The following DHX8 variants were observed in gnomAD, a reference collection of about 807,000 sequenced individuals.
DHX8 encodes the protein ATP-dependent RNA helicase DHX8.
In DHX8, 67 loss-of-function variants were observed where a neutral mutation model predicts 140.7. The ratio of observed to expected loss-of-function variants is 0.48; its 90% confidence interval spans 0.39 to 0.58. DHX8 has a LOEUF of 0.58. Ranked by LOEUF, DHX8 falls within the 20% of genes least tolerant of loss-of-function variation. The pLI is 0.00. For missense variants in DHX8, 887 were observed against 1,550.7 expected (o/e 0.57, Z 7.19); for synonymous variants, 533 against 553.2 (o/e 0.96, Z 0.51).
rs1970579115 is a variant in DHX8, at chr17:43,525,412, A to G, written c.*1565A>G. The G allele has an allele frequency of 2.0e-6, 2 of 982,566 alleles. No individual in the cohort carries two copies. Among genetic ancestry groups the G allele is most frequent in the African/African-American group, 1.7e-5 (1 of 57,166 alleles). The allele number at this position is 982,566 out of a possible 1,614,324, so 60.9% of individuals were successfully genotyped here. ...TTCAGAAAGAGTCCGAGGGAGAGGAATATAGGCCAGGCAATCTGCTGGCTG... is the reference window on the plus strand; with the variant it reads ...TTCAGAAAGAGTCCGAGGGAGAGGAGTATAGGCCAGGCAATCTGCTGGCTG... On this transcript the variant is annotated 3_prime_UTR_variant, in exon 23 of 23. Coordinates refer to ENST00000262415, the MANE Select transcript of DHX8 (RefSeq NM_004941.3).
chr17:43,524,058 A>T lies in DHX8; in HGVS notation c.*211A>T. ...AGAGCCTGCAGCCTCCATCACCCCAAGTCCTTGGGCCCAGTTGGGAGCTCA... is the reference window on the plus strand; with the variant it reads ...AGAGCCTGCAGCCTCCATCACCCCATGTCCTTGGGCCCAGTTGGGAGCTCA... On this transcript the variant is annotated 3_prime_UTR_variant, in exon 23 of 23. Coordinates refer to ENST00000262415, the MANE Select transcript of DHX8 (RefSeq NM_004941.3). 7.1e-7 allele frequency: 1 copy of T among 1,409,716 alleles called. No homozygotes were observed. Among genetic ancestry groups the T allele is most frequent in the Non-Finnish European group, 9.2e-7 (1 of 1,084,332 alleles). The allele number at this position is 1,409,716 out of a possible 1,614,324, so 87.3% of individuals were successfully genotyped here. A position where few individuals can be genotyped will look rare whatever the true frequency, so the allele number is the denominator to read the frequency against.
At chr17:43,527,336 CCAGA>C (rs1444355758), downstream of DHX8, among the ~76,000 whole-genome samples, 6 of 152,204 alleles carry the variant, frequency 3.9e-5, no homozygotes, top group African/African-American at 1.2e-4. Context: ...GCCCCATTCT[CCAGA>C]CAAACACTTG....
At chr17:43,495,326 A>C (rs761973104) in intron 8 of DHX8, among the ~76,000 whole-genome samples, 3 of 152,192 alleles carry the variant, frequency 2.0e-5, no homozygotes, top group Non-Finnish European at 4.4e-5. Context: ...TTGCCCAGGC[A>C]AGAGTGCAGT....
At chr17:43,530,322 C>A, downstream of DHX8, 1 of 1,482,242 alleles carries the variant, frequency 6.7e-7, no homozygotes, top group South Asian at 1.4e-5. Flanking sequence ...GGTTGCCTGC[C>A]AACCACAAAA....
chr17:43,526,684 T>A (rs1332923200), downstream of DHX8: 53 of 1,517,024 alleles, frequency 3.5e-5, no homozygotes, highest in Non-Finnish European at 4.5e-5. Context: ...TAACTCCCTC[T>A]CTCTTCGTGT....
chr17:43,510,621 A>G (rs2154586703), intron 16 of DHX8, among the ~76,000 whole-genome samples: 1 of 152,260 alleles, frequency 6.6e-6, no homozygotes, highest in East Asian at 1.9e-4. Context: ...TTTTCCTCAA[A>G]TATTTTTAAT....
intron 12 of DHX8, among the ~76,000 whole-genome samples, chr17:43,505,749 CAT>C (rs1351813945): frequency 2.6e-5 from 4 of 152,052 alleles, no homozygotes; most frequent in African/African-American, 9.7e-5. Flanking sequence ...ATGGGCAACT[CAT>C]AGAGTGCTTC....
intron 2 of DHX8, chr17:43,532,648 CA>C: frequency 6.3e-7 from 1 of 1,593,776 alleles, no homozygotes; most frequent in Non-Finnish European, 8.6e-7. Context: ...GATCACATGC[CA>C]CCCTGCCCCA....
At chr17:43,532,930 G>C in intron 2 of DHX8, 1 of 1,571,014 alleles carries the variant, frequency 6.4e-7, no homozygotes, top group Non-Finnish European at 8.6e-7. Flanking sequence ...GGGGCTGCTG[G>C]AAGACGGAGC....
At chr17:43,528,494 C>T (rs746231923), downstream of DHX8, 92 of 1,517,810 alleles carry the variant, frequency 6.1e-5, no homozygotes, top group Admixed American at 2.9e-4. Context: ...CACCCACCTG[C>T]GGCAGGGGGA....
chr17:43,532,296 C>T (rs563354684), intron 2 of DHX8, among the ~76,000 whole-genome samples: 3 of 152,110 alleles, frequency 2.0e-5, no homozygotes, highest in Admixed American at 1.3e-4. Flanking sequence ...GTCAGGAGTT[C>T]GAGACCATCC....
chr17:43,485,174 T>G (rs9898286), intron 1 of DHX8, among the ~76,000 whole-genome samples: 31,894 of 152,126 alleles, frequency 0.21, 3,767 homozygotes, highest in East Asian at 0.32. Flanking sequence ...AGAATACAGT[T>G]GCAGATTCAG....
Position 43,524,089 on chromosome 17 carries a change from AAC to A in DHX8, c.*246_*247del, listed in dbSNP as rs1970516606. 3 of 1,370,770 alleles carry A rather than the reference AAC, an allele frequency of 2.2e-6. No homozygotes were observed. Among genetic ancestry groups the A allele is most frequent in the Non-Finnish European group, 2.8e-6 (3 of 1,060,178 alleles). The allele number at this position is 1,370,770 out of a possible 1,614,324, so 84.9% of individuals were successfully genotyped here. On this transcript the variant is annotated 3_prime_UTR_variant, in exon 23 of 23. Coordinates refer to ENST00000262415, the MANE Select transcript of DHX8 (RefSeq NM_004941.3). ...TGGGCCCAGTTGGGAGCTCATATCT[AAC>A]ACAGAGACACATTGCATCAACTTCA...
rs778650073 is a variant in DHX8 at position 43,507,758 on chromosome 17, C to T, written c.2110-51C>T. ...AATTCTGGCAGTTGGATTTGAGTAC[C>T]TGTGTCTTTGGGTAGTCCTTTTCAG... On this transcript the variant is annotated intron_variant, in intron 14 of 22. Coordinates refer to ENST00000262415, the MANE Select transcript of DHX8 (RefSeq NM_004941.3). The T allele has an allele frequency of 6.8e-6, 11 of 1,611,830 alleles. No homozygotes were observed. In the African/African-American group the frequency reaches 1.3e-4, roughly 20 times the overall value.
At chr17:43,541,918 C>T (rs926851200) in intron 3 of DHX8, among the ~76,000 whole-genome samples, 6 of 152,200 alleles carry the variant, frequency 3.9e-5, no homozygotes, top group African/African-American at 1.4e-4. Context: ...TCCCTCCCCA[C>T]AGACATGCCG....
At chr17:43,523,257 C>G (rs1032488189) in intron 22 of DHX8, among the ~76,000 whole-genome samples, 7 of 152,176 alleles carry the variant, frequency 4.6e-5, no homozygotes, top group African/African-American at 1.7e-4. Flanking sequence ...CCTTCTCCAT[C>G]CCTTGTGGCA....
chr17:43,499,591 A>C (rs1043501774), intron 10 of DHX8, among the ~76,000 whole-genome samples: 12 of 152,188 alleles, frequency 7.9e-5, no homozygotes, highest in African/African-American at 2.9e-4. Context: ...GTTCTTCTTT[A>C]GGCATACCTG....
chr17:43,513,882 T>G (rs967740893), intron 17 of DHX8, among the ~76,000 whole-genome samples: 3 of 152,010 alleles, frequency 2.0e-5, no homozygotes, highest in Non-Finnish European at 4.4e-5. Context: ...CCTAGCTAAT[T>G]TTCTATTTTT....
Position 43,519,935 on chromosome 17 carries a change from T to C in DHX8, c.2800-195T>C, listed in dbSNP as rs74515180. Reference sequence around the variant, plus strand: ...CAGCCTGGGTGACAGAGTGAGACTCTGTCTCAAGTATGTGCTTTCTATTAT... The same window carrying C: ...CAGCCTGGGTGACAGAGTGAGACTCCGTCTCAAGTATGTGCTTTCTATTAT... On this transcript the variant is annotated intron_variant, in intron 18 of 22. Coordinates refer to ENST00000262415, the MANE Select transcript of DHX8 (RefSeq NM_004941.3). 1,775 of 541,034 alleles carry C rather than the reference T, an allele frequency of 3.3e-3. 31 individuals are homozygous for C. Among genetic ancestry groups the C allele is most frequent in the African/African-American group, 0.031 (1,609 of 51,948 alleles). The allele number at this position is 541,034 out of a possible 1,614,324, so 33.5% of individuals were successfully genotyped here. A position where few individuals can be genotyped will look rare whatever the true frequency, so the allele number is the denominator to read the frequency against.
Sources: gnomAD v4.1 joint callset for allele counts (sites outside exome capture counted in the v4.1 genomes callset) on GRCh38, gnomAD v4.1.1 for gene constraint, MANE v1.5 for transcripts, NCBI Gene and HGNC (gene_info 2026-07-23, HGNC 2026-07-21) for gene names.